Variants in PTPDC1 observed in about 807,000 individuals in gnomAD.
The protein encoded by PTPDC1 is protein tyrosine phosphatase domain-containing protein 1.
In PTPDC1, 53 loss-of-function variants were observed where a neutral mutation model predicts 75.3. The ratio of observed to expected loss-of-function variants is 0.70; its 90% CI spans 0.56 to 0.88. PTPDC1 has a LOEUF of 0.88. Ranked by LOEUF, PTPDC1 falls within the 40% of genes least tolerant of loss-of-function variation. PTPDC1 has a pLI of 0.00. For synonymous variants in PTPDC1, 349 were observed against 366.2 expected, an observed-to-expected ratio of 0.95 and a Z score of 0.54; for missense variants, 925 against 998.6, an observed-to-expected ratio of 0.93 and a Z score of 0.99.
chr9:94,080,423 G>A (rs144808377), upstream of PTPDC1, among the ~76,000 whole-genome samples: 4 of 152,252 alleles, frequency 2.6e-5, no homozygotes, highest in East Asian at 5.8e-4. Flanking sequence ...CCTACATATG[G>A]GAATAAATAT....
intron 1 of PTPDC1, among the ~76,000 whole-genome samples, chr9:94,050,230 C>T (rs1353367726): frequency 7.2e-5 from 11 of 152,182 alleles, no homozygotes; most frequent in African/African-American, 1.9e-4. Context: ...AGTCATTCTC[C>T]GTCCAGCTTT....
At chr9:94,050,433 G>A (rs1825752009) in intron 1 of PTPDC1, among the ~76,000 whole-genome samples, 1 of 152,242 alleles carries the variant, frequency 6.6e-6, no homozygotes, top group South Asian at 2.1e-4. Flanking sequence ...CCTTCTAACA[G>A]TCAGGACCCT....
intron 1 of PTPDC1, among the ~76,000 whole-genome samples, chr9:94,045,285 A>G (rs900283102): frequency 6.6e-5 from 10 of 152,080 alleles, no homozygotes; most frequent in East Asian, 3.9e-4. Context: ...GCTATTGTCA[A>G]TAGTGCCGCA....
intron 1 of PTPDC1, among the ~76,000 whole-genome samples, chr9:94,050,502 A>G (rs1825755084): frequency 6.6e-6 from 1 of 152,216 alleles, no homozygotes; most frequent in African/African-American, 2.4e-5. Context: ...TTGCCTGGAT[A>G]TCAGCAGTGG....
chr9:94,033,194 A>C (rs1829760491), intron 1 of PTPDC1, among the ~76,000 whole-genome samples: 1 of 152,170 alleles, frequency 6.6e-6, no homozygotes, highest in South Asian at 2.1e-4. Flanking sequence ...CAACTGCCTC[A>C]AAGTCCAGAC....
intron 8 of PTPDC1, among the ~76,000 whole-genome samples, chr9:94,105,294 G>A (rs1051925901): frequency 2.0e-5 from 3 of 152,090 alleles, no homozygotes; most frequent in African/African-American, 4.8e-5. Context: ...TCCAAACCGC[G>A]TGGTCCTTTA....
chr9:94,075,591 A>G (rs557298374), intron 2 of PTPDC1, among the ~76,000 whole-genome samples: 25 of 152,314 alleles, frequency 1.6e-4, no homozygotes, highest in Admixed American at 7.8e-4. Context: ...ACTGGAGGCA[A>G]TAAAGAATCC....
intron 8 of PTPDC1, among the ~76,000 whole-genome samples, chr9:94,107,469 C>T (rs10993057): frequency 0.093 from 14,225 of 152,210 alleles, 945 homozygotes; most frequent in East Asian, 0.24. Flanking sequence ...CTCAGCAGGA[C>T]GTATACAGCT....
At position 94,084,535 on chromosome 9, in the gene PTPDC1, A is replaced by G. The variant is rs747787417; in HGVS notation, c.5A>G (p.Gln2Arg). 6 of 1,610,900 alleles carry G rather than the reference A, an allele frequency of 3.7e-6. No homozygotes were observed. The African/African-American group carries it at 8.0e-5, about 22-fold the overall frequency. ...CGGCTCTTGCCTCCCAGTGCCATGC[A>G]GGTGCAGGATGCAACCAGGCGGCCC... is the stretch of plus-strand genomic sequence containing the variant. Reference protein sequence around the residue: MQVQDATRRPSA... With the variant: MRVQDATRRPSA... The change falls in exon 1 of 9, where the codon CAG becomes CGG. Residue 2 changes from glutamine to arginine, a missense_variant. Gln to Arg is a conservative substitution (Grantham distance 43, BLOSUM62 1). Transcript: ENST00000620992.
chr9:94,093,598 T>G (rs1161149201), intron 4 of PTPDC1, among the ~76,000 whole-genome samples: 3 of 151,896 alleles, frequency 2.0e-5, no homozygotes, highest in South Asian at 2.1e-4. Flanking sequence ...CTTTGTGGTG[T>G]TCTCTGTATT....
chr9:94,077,463 C>T (rs1322494865), intron 2 of PTPDC1, among the ~76,000 whole-genome samples: 1 of 152,164 alleles, frequency 6.6e-6, no homozygotes, highest in Non-Finnish European at 1.5e-5. Flanking sequence ...AATTGGGGTT[C>T]CCACACCCCT....
chr9:94,069,486 A>G (rs1826435030), intron 2 of PTPDC1, among the ~76,000 whole-genome samples: 1 of 150,174 alleles, frequency 6.7e-6, no homozygotes, highest in South Asian at 2.1e-4. Context: ...GTCTATATAT[A>G]TTGAAAACCA....
intron 1 of PTPDC1, among the ~76,000 whole-genome samples, chr9:94,048,021 C>T (rs1185280725): frequency 3.3e-5 from 5 of 152,160 alleles, no homozygotes; most frequent in Non-Finnish European, 7.4e-5. Flanking sequence ...CCTTCTGAAA[C>T]TATTCCAATC....
intron 2 of PTPDC1, among the ~76,000 whole-genome samples, chr9:94,066,687 A>T (rs1272716966): frequency 6.6e-6 from 1 of 151,908 alleles, no homozygotes. Flanking sequence ...CCTCCTGAGT[A>T]GCTGGGACCA....
intron 2 of PTPDC1, 48 bp downstream of exon 2, chr9:94,085,470 A>G (rs779103567): frequency 1.9e-6 from 3 of 1,598,576 alleles, no homozygotes; most frequent in Non-Finnish European, 1.7e-6. Flanking sequence ...TACAGGAAGG[A>G]CACTCTGTGT....
chr9:94,108,239 T>C lies in PTPDC1; in HGVS notation c.*295T>C, dbSNP rs1280041725. ...TAAGTATATGGTGTTTACATTCTTATTTCTTTTGACATTTTGGAAATAATC... is the reference window on the plus strand; with the variant it reads ...TAAGTATATGGTGTTTACATTCTTACTTCTTTTGACATTTTGGAAATAATC... On this transcript the variant is annotated 3_prime_UTR_variant, in exon 9 of 9. Transcript: ENST00000620992. 2.2e-5 allele frequency: 4 copies of C among 178,912 alleles called. No homozygotes were observed. Among genetic ancestry groups the C allele is most frequent in the Non-Finnish European group, 4.7e-5 (4 of 85,730 alleles). The allele number at this position is 178,912 out of a possible 1,614,324, so 11.1% of individuals were successfully genotyped here.
intron 4 of PTPDC1, among the ~76,000 whole-genome samples, chr9:94,093,557 T>C (rs1827413550): frequency 6.6e-6 from 1 of 151,896 alleles, no homozygotes. Context: ...CTGACAATTA[T>C]GTGTCTTGGA....
intron 1 of PTPDC1, among the ~76,000 whole-genome samples, chr9:94,060,094 T>A (rs994443128): frequency 1.3e-5 from 2 of 152,144 alleles, no homozygotes; most frequent in Non-Finnish European, 2.9e-5. Context: ...GAAACATTAC[T>A]TATGACAAAA....
At chr9:94,088,729 C>T (rs1827167323) in intron 4 of PTPDC1, among the ~76,000 whole-genome samples, 2 of 152,190 alleles carry the variant, frequency 1.3e-5, no homozygotes, top group Non-Finnish European at 2.9e-5. Flanking sequence ...AATTCTACTT[C>T]TAACAATTTC....
Sources: gnomAD v4.1 joint callset for allele counts (sites outside exome capture counted in the v4.1 genomes callset) on GRCh38, gnomAD v4.1.1 for gene constraint, MANE v1.5 for transcripts, NCBI Gene and HGNC (gene_info 2026-07-23, HGNC 2026-07-21) for gene names.